FRMPD1: variants seen among roughly 807,000 people sequenced by gnomAD.
FRMPD1 encodes the protein FERM and PDZ domain-containing protein 1.
Under a neutral mutation model 117.8 loss-of-function variants are expected in FRMPD1, and 76 were observed. That is an observed-to-expected ratio of 0.65 (90% CI 0.54 to 0.78). The LOEUF is 0.78. FRMPD1 is among the 30% of genes least tolerant of loss of function. The probability of loss-of-function intolerance (pLI) is 0.00; values close to 1 mark genes in which losing one functional copy is unlikely to be tolerated. For synonymous variants in FRMPD1, 783 were observed against 770.4 expected, an observed-to-expected ratio of 1.02 and a Z score of -0.27; for missense variants, 1,786 against 1,964.5, an observed-to-expected ratio of 0.91 and a Z score of 1.72.
the FRMPD1 span, among the ~76,000 whole-genome samples, chr9:37,630,274 G>A: frequency 5.9e-5 from 9 of 152,200 alleles, no homozygotes; most frequent in African/African-American, 1.7e-4. Context: ...ACAATTGATA[G>A]TGCCTTAGGT....
chr9:37,744,528 C>A lies in FRMPD1; in HGVS notation c.2496C>A (p.Ala832=), dbSNP rs1824584761. 1 of 1,613,962 alleles carries A rather than the reference C, an allele frequency of 6.2e-7. No individual in the cohort carries two copies. The highest frequency in any genetic ancestry group is 1.3e-5 in the African/African-American group (1 of 74,886). ...GGAGGGGAGGGGTGAAGAAATATGC[C>A]AAGACCCTGAGGAAAAGAAGGTCTT... ...PSRRGGVKKY[A]KTLRKRRSFL... The change falls in exon 16 of 16, where the codon GCC becomes GCA. Residue 832 remains alanine (A), a synonymous_variant. Coordinates refer to ENST00000377765, the MANE Select transcript of FRMPD1 (RefSeq NM_014907.3).
rs1335578098 is a variant in FRMPD1 at position 37,731,100 on chromosome 9, G to T, written c.855G>T (p.Leu285=). The T allele has an allele frequency of 1.2e-6, 2 of 1,613,328 alleles. No homozygotes were observed. The highest frequency in any genetic ancestry group is 1.7e-6 in the Non-Finnish European group (2 of 1,179,320). ...EDPVAFEYLY[L]QSCSDVLQER... is the part of the protein sequence containing the mutation. ...CCGTGGCCTTTGAATACCTCTATCTGCAGGTGACTGGGTCTGTGCTTCCTA... is the reference window on the plus strand; with the variant it reads ...CCGTGGCCTTTGAATACCTCTATCTTCAGGTGACTGGGTCTGTGCTTCCTA... Residue 285 remains leucine (L), a synonymous_variant, in exon 9 of 16, where the codon CTG becomes CTT. Transcript: ENST00000377765.
the FRMPD1 span, among the ~76,000 whole-genome samples, chr9:37,623,461 C>T: frequency 2.6e-5 from 4 of 152,170 alleles, no homozygotes; most frequent in African/African-American, 9.7e-5. Flanking sequence ...TTTCGCTGAA[C>T]CTTGAAGTCT....
chr9:37,746,234 C>T lies in FRMPD1; in HGVS notation c.4202C>T (p.Pro1401Leu). ...APLSRKSHIW[P>L]EYCSRALRQL... The stretch of plus-strand genomic sequence containing the variant: ...CTGTCGAGGAAAAGCCACATCTGGC[C>T]AGAGTACTGCTCCAGGGCACTGAGA... Residue 1401 changes from proline to leucine, a missense_variant, in exon 16 of 16, where the codon CCA becomes CTA. By Grantham distance (98) the Pro-to-Leu change is moderately conservative. Coordinates refer to ENST00000377765, the MANE Select transcript of FRMPD1 (RefSeq NM_014907.3). 6.2e-7 allele frequency: 1 copy of T among 1,613,042 alleles called. No homozygotes were observed. Among genetic ancestry groups the T allele is most frequent in the Non-Finnish European group, 8.5e-7 (1 of 1,179,908 alleles).
chr9:37,623,831 T>C, the FRMPD1 span, among the ~76,000 whole-genome samples: 34 of 152,194 alleles, frequency 2.2e-4, no homozygotes, highest in South Asian at 4.0e-3. Flanking sequence ...CAAGGTAGGA[T>C]TATGACAGAT....
chr9:37,651,677 C>CG (rs1267744055), intron 1 of FRMPD1, among the ~76,000 whole-genome samples: 3 of 152,210 alleles, frequency 2.0e-5, no homozygotes, highest in African/African-American at 7.2e-5. Context: ...GAGTCAGCCT[C>CG]GGGAAGCAGG....
the FRMPD1 span, among the ~76,000 whole-genome samples, chr9:37,623,299 A>G: frequency 2.0e-5 from 3 of 152,192 alleles, no homozygotes; most frequent in Non-Finnish European, 4.4e-5. Context: ...TGGGATATGG[A>G]AGAGGATGGA....
At chr9:37,703,901 A>G (rs991849716) in intron 2 of FRMPD1, among the ~76,000 whole-genome samples, 2 of 152,212 alleles carry the variant, frequency 1.3e-5, no homozygotes, top group Admixed American at 6.5e-5. Context: ...TATCCATGTC[A>G]TTAGTTGATG....
intron 1 of FRMPD1, among the ~76,000 whole-genome samples, chr9:37,663,346 C>G (rs1821056521): frequency 6.6e-6 from 1 of 152,016 alleles, no homozygotes; most frequent in South Asian, 2.1e-4. Context: ...GGAGATGGGC[C>G]AGGTGGGGAT....
intron 1 of FRMPD1, among the ~76,000 whole-genome samples, chr9:37,666,268 A>C (rs1270149252): frequency 6.6e-6 from 1 of 152,174 alleles, no homozygotes; most frequent in Non-Finnish European, 1.5e-5. Flanking sequence ...ATTTTGCCCC[A>C]CTAACACTTA....
rs769177410 is a variant in FRMPD1, at chr9:37,740,913, A to C, written c.2356+29A>C. On this transcript the variant is annotated intron_variant, in intron 15 of 15. Coordinates refer to ENST00000377765, the MANE Select transcript of FRMPD1 (RefSeq NM_014907.3). This position sits in a 1 kb window ranked among gnomAD's most constrained non-coding sequence, Gnocchi z 4.2. ...AGCCGTCCCTTGCAGGTCTGCAGACACGGCAGGCAGCTCCTGAGTGCCTCC... is the reference window on the plus strand; with the variant it reads ...AGCCGTCCCTTGCAGGTCTGCAGACCCGGCAGGCAGCTCCTGAGTGCCTCC... 5.1e-6 allele frequency: 8 copies of C among 1,575,712 alleles called. No individual in the cohort carries two copies. The highest frequency in any genetic ancestry group is 1.3e-5 in the African/African-American group (1 of 74,262).
intron 7 of FRMPD1, among the ~76,000 whole-genome samples, chr9:37,725,688 T>C (rs1049982376): frequency 2.6e-5 from 4 of 152,242 alleles, no homozygotes; most frequent in Admixed American, 2.0e-4. Flanking sequence ...CCAGGCACGC[T>C]TCCTGGGCAC....
At chr9:37,730,553 T>A (rs1032155442) in intron 8 of FRMPD1, among the ~76,000 whole-genome samples, 1 of 152,304 alleles carries the variant, frequency 6.6e-6, no homozygotes, top group South Asian at 2.1e-4. Context: ...TCTATTCCAT[T>A]TGCATTGGGA....
At chr9:37,687,433 C>T (rs145648238) in intron 1 of FRMPD1, among the ~76,000 whole-genome samples, 102 of 152,288 alleles carry the variant, frequency 6.7e-4, no homozygotes, top group African/African-American at 2.2e-3. Context: ...CATAGGAAAG[C>T]GTGATGCTCA....
upstream of FRMPD1, among the ~76,000 whole-genome samples, chr9:37,649,378 G>C (rs1820598632): frequency 6.6e-6 from 1 of 152,114 alleles, no homozygotes; most frequent in South Asian, 2.1e-4. Context: ...CACCCTTATG[G>C]TGCTTCTGTC....
chr9:37,652,134 T>C (rs1157253512), intron 1 of FRMPD1, among the ~76,000 whole-genome samples: 1 of 152,222 alleles, frequency 6.6e-6, no homozygotes, highest in Non-Finnish European at 1.5e-5. Context: ...TCGGTTATTT[T>C]TGTAAAAACC....
intron 1 of FRMPD1, among the ~76,000 whole-genome samples, chr9:37,676,484 G>A (rs1821532706): frequency 6.6e-6 from 1 of 152,018 alleles, no homozygotes; most frequent in South Asian, 2.1e-4. Flanking sequence ...GCGGTTTTCG[G>A]CGATCTCTGA....
intron 9 of FRMPD1, among the ~76,000 whole-genome samples, chr9:37,731,600 G>A (rs754997940): frequency 2.0e-4 from 30 of 152,236 alleles, no homozygotes; most frequent in African/African-American, 1.2e-4. Flanking sequence ...AGCCGGGTGC[G>A]GTAGCTCACG....
At chr9:37,606,334 G>T in the FRMPD1 span, among the ~76,000 whole-genome samples, 3 of 152,232 alleles carry the variant, frequency 2.0e-5, no homozygotes, top group African/African-American at 7.2e-5. Flanking sequence ...TGAAAAAATT[G>T]TTGTAGACTA....
Sources: gnomAD v4.1 joint callset for allele counts (sites outside exome capture counted in the v4.1 genomes callset) on GRCh38, gnomAD v4.1.1 for gene constraint, Gnocchi (gnomAD v3.1) non-coding constraint, MANE v1.5 for transcripts, NCBI Gene and HGNC (gene_info 2026-07-23, HGNC 2026-07-21) for gene names.